CD48: variants seen among roughly 807,000 people sequenced by gnomAD.
The protein encoded by CD48 is CD48 antigen.
In CD48, 20 loss-of-function variants were observed where a neutral mutation model predicts 22.0. The observed-to-expected ratio is 0.91, with a 90% CI of 0.64 to 1.32. CD48 has a LOEUF of 1.32. Among genes scored for constraint, CD48 ranks in the 40% most tolerant of loss-of-function variants. CD48 has a pLI of 0.00. For missense variants in CD48, 307 were observed against 286.5 expected, an observed-to-expected ratio of 1.07 and a Z score of -0.52; for synonymous variants, 110 against 110.1, an observed-to-expected ratio of 1.00 and a Z score of 0.01.
At chr1:160,696,311 C>T (rs1662425966) in intron 1 of CD48, among the ~76,000 whole-genome samples, 2 of 152,304 alleles carry the variant, frequency 1.3e-5, no homozygotes, top group South Asian at 4.1e-4. Flanking sequence ...GTTGAGACAG[C>T]TCTAATTAAA....
At chr1:160,711,614 C>A in intron 1 of CD48, 68 bp downstream of exon 1, 1 of 1,197,208 alleles carries the variant, frequency 8.4e-7, no homozygotes, top group African/African-American at 1.5e-5. Context: ...AACTACATCC[C>A]GTCTCCCCTT....
rs1661945410 is a variant in CD48 at position 160,685,015 on chromosome 1, C to T, written c.257G>A (p.Arg86Lys). 6 of 1,614,100 alleles carry T rather than the reference C, an allele frequency of 3.7e-6. No individual in the cohort carries two copies. Among genetic ancestry groups the T allele is most frequent in the African/African-American group, 1.3e-5 (1 of 74,946 alleles). Reference protein sequence around the residue: ...YFESKFKGRVRLDPQSGALYI... With the variant: ...YFESKFKGRVKLDPQSGALYI... Reference sequence around the variant, plus strand: ...CAGTGCGCCACTCTGAGGATCAAGTCTGACCCTGCCTTTAAATTTGGATTC... The same window carrying T: ...CAGTGCGCCACTCTGAGGATCAAGTTTGACCCTGCCTTTAAATTTGGATTC... The change falls in exon 2 of 4, where the codon AGA becomes AAA. Residue 86 changes from arginine to lysine, a missense_variant. Arg to Lys is a conservative substitution (Grantham distance 26, BLOSUM62 2). Coordinates refer to ENST00000368046, the MANE Select transcript of CD48 (RefSeq NM_001778.4).
chr1:160,694,650 A>C (rs964819732), intron 1 of CD48, among the ~76,000 whole-genome samples: 3 of 152,178 alleles, frequency 2.0e-5, no homozygotes, highest in Non-Finnish European at 2.9e-5. Flanking sequence ...ATCATGACCA[A>C]GATGGGATAT....
intron 1 of CD48, among the ~76,000 whole-genome samples, chr1:160,708,223 C>T (rs370996372): frequency 2.2e-4 from 33 of 152,160 alleles, no homozygotes; most frequent in African/African-American, 6.5e-4. Flanking sequence ...AATTCATTTG[C>T]GGAGTAGGAA....
intron 1 of CD48, among the ~76,000 whole-genome samples, chr1:160,704,490 C>T (rs1005261546): frequency 3.3e-5 from 5 of 152,204 alleles, no homozygotes; most frequent in Admixed American, 3.3e-4. Flanking sequence ...ATTCTTGCTG[C>T]CCTCTGCACT....
chr1:160,688,699 G>T (rs1346392795), intron 1 of CD48, among the ~76,000 whole-genome samples: 2 of 152,196 alleles, frequency 1.3e-5, no homozygotes, highest in Non-Finnish European at 2.9e-5. Flanking sequence ...AGTTCTGGGT[G>T]TTCTGGGCTC....
intron 1 of CD48, among the ~76,000 whole-genome samples, chr1:160,709,028 G>A (rs1662873327): frequency 6.6e-6 from 1 of 152,206 alleles, no homozygotes; most frequent in African/African-American, 2.4e-5. Flanking sequence ...GCCACACCAT[G>A]ATCTGATTGC....
intron 1 of CD48, among the ~76,000 whole-genome samples, chr1:160,690,269 G>A (rs544302087): frequency 4.1e-4 from 62 of 152,328 alleles, no homozygotes; most frequent in East Asian, 7.7e-4. Context: ...AATGGGCCGT[G>A]CCTTCCCCTG....
At chr1:160,696,436 C>A (rs1325605697) in intron 1 of CD48, among the ~76,000 whole-genome samples, 1 of 152,238 alleles carries the variant, frequency 6.6e-6, no homozygotes, top group African/African-American at 2.4e-5. Context: ...TTTACCAGGG[C>A]CTTTGACTAA....
intron 1 of CD48, among the ~76,000 whole-genome samples, chr1:160,704,165 A>G (rs2102436697): frequency 6.6e-6 from 1 of 152,324 alleles, no homozygotes. Context: ...TTTCCCGTGA[A>G]AGTGATGAAG....
Position 160,681,306 on chromosome 1 carries a change from G to T in CD48, c.548C>A (p.Thr183Asn). 6.2e-7 allele frequency: 1 copy of T among 1,614,196 alleles called. No homozygotes were observed. The highest frequency in any genetic ancestry group is 8.5e-7 in the Non-Finnish European group (1 of 1,180,008). ...PKELQNSVLE[T>N]TLMPHNYSRC... ...GGAGTAATTATGTGGCATAAGGGTG[G>T]TTTCAAGCACACTGTTCTGGAGCTC... Residue 183 changes from threonine (T) to asparagine (N), a missense_variant, in exon 3 of 4, where the codon ACC becomes AAC. Physicochemically the swap from Thr to Asn is moderately conservative, Grantham distance 65. Coordinates refer to ENST00000368046, the MANE Select transcript of CD48 (RefSeq NM_001778.4).
At chr1:160,705,905 G>T (rs1662775759) in intron 1 of CD48, among the ~76,000 whole-genome samples, 1 of 152,042 alleles carries the variant, frequency 6.6e-6, no homozygotes, top group Non-Finnish European at 1.5e-5. Flanking sequence ...TCCAGATATT[G>T]CCAAATGTCC....
At chr1:160,699,874 A>T (rs1031105988) in intron 1 of CD48, 16 of 151,466 alleles carry the variant, frequency 1.1e-4, no homozygotes, top group African/African-American at 3.9e-4. Flanking sequence ...GGCTGGCGGG[A>T]TCCTCCATAT....
intron 2 of CD48, chr1:160,684,654 T>G: frequency 1.5e-6 from 2 of 1,340,262 alleles, no homozygotes; most frequent in African/African-American, 1.5e-5. Flanking sequence ...TCTTCAAAGC[T>G]TAGACTCACT....
intron 1 of CD48, chr1:160,699,705 A>G (rs944602696): frequency 2.0e-5 from 3 of 152,182 alleles, no homozygotes. Context: ...TGCATATCTA[A>G]AAGCACAGCA....
intron 1 of CD48, among the ~76,000 whole-genome samples, chr1:160,696,169 C>T (rs77097111): frequency 3.9e-5 from 6 of 152,262 alleles, no homozygotes; most frequent in South Asian, 2.1e-4. Flanking sequence ...GCCAAAAGAA[C>T]GAGTAATCAA....
rs770362579 is a variant in CD48 at position 160,681,154 on chromosome 1, A to T, written c.652+48T>A. On this transcript the variant is annotated intron_variant, in intron 3 of 3. Coordinates refer to ENST00000368046, the MANE Select transcript of CD48 (RefSeq NM_001778.4). ...CCCCCAGCCTTTCTTTGTTCAAAACAACTCCAGTTACCCTGTGCCCCCCTC... is the reference window on the plus strand; with the variant it reads ...CCCCCAGCCTTTCTTTGTTCAAAACTACTCCAGTTACCCTGTGCCCCCCTC... 3 of 1,613,824 alleles carry T rather than the reference A, an allele frequency of 1.9e-6. No homozygotes were observed. In the South Asian group the frequency reaches 3.3e-5, roughly 18 times the overall value.
intron 1 of CD48, among the ~76,000 whole-genome samples, chr1:160,704,930 A>C (rs1232730996): frequency 1.3e-5 from 2 of 152,164 alleles, no homozygotes; most frequent in Non-Finnish European, 2.9e-5. Context: ...CTTTTTGTGG[A>C]GGGAGAACTT....
chr1:160,705,960 C>A (rs891280989), intron 1 of CD48, among the ~76,000 whole-genome samples: 1 of 152,156 alleles, frequency 6.6e-6, no homozygotes, highest in Admixed American at 6.6e-5. Flanking sequence ...TTGAGAAGTA[C>A]TGAGCTAGGT....
Sources: gnomAD v4.1 joint callset for allele counts (sites outside exome capture counted in the v4.1 genomes callset) on GRCh38, gnomAD v4.1.1 for gene constraint, MANE v1.5 for transcripts, NCBI Gene and HGNC (gene_info 2026-07-23, HGNC 2026-07-21) for gene names.